KCNQ5: variants seen among roughly 807,000 people sequenced by gnomAD.
KCNQ5 encodes the protein potassium voltage-gated channel subfamily Q member 5, also known as potassium voltage-gated channel subfamily KQT member 5.
Under a neutral mutation model 98.2 loss-of-function variants are expected in KCNQ5, and 30 were observed. That is an observed-to-expected ratio of 0.31 (90% CI 0.23 to 0.41). The LOEUF (loss-of-function observed/expected upper bound fraction) is 0.41, where lower values mean the gene tolerates loss of function less well. KCNQ5 is among the 10% of genes least tolerant of loss of function. The pLI is 1.00. For synonymous variants in KCNQ5, 458 were observed against 449.4 expected, an observed-to-expected ratio of 1.02 and a Z score of -0.24; for missense variants, 835 against 1,182.5, an observed-to-expected ratio of 0.71 and a Z score of 4.31.
chr6:73,125,884 A>G (rs1290095475), intron 9 of KCNQ5, among the ~76,000 whole-genome samples: 1 of 152,150 alleles, frequency 6.6e-6, no homozygotes, highest in Non-Finnish European at 1.5e-5. Context: ...AGATATTTCC[A>G]GAAAAAAGTC....
chr6:72,957,666 C>A (rs1361949320), intron 1 of KCNQ5, among the ~76,000 whole-genome samples: 1 of 152,024 alleles, frequency 6.6e-6, no homozygotes, highest in African/African-American at 2.4e-5. Flanking sequence ...TTGTTTTCAT[C>A]GAAATGCTAA....
intron 1 of KCNQ5, among the ~76,000 whole-genome samples, chr6:72,948,709 AT>A (rs1766660249): frequency 6.6e-6 from 1 of 152,164 alleles, no homozygotes; most frequent in African/African-American, 2.4e-5. Context: ...AGATTAACAT[AT>A]GCCAAGAGTT....
intron 11 of KCNQ5, among the ~76,000 whole-genome samples, chr6:73,187,872 A>C (rs970140457): frequency 1.3e-5 from 2 of 152,194 alleles, no homozygotes; most frequent in Admixed American, 6.5e-5. Flanking sequence ...CTCTGAAAGG[A>C]AGAGAGAAAA....
chr6:73,067,008 T>C (rs910483271), intron 3 of KCNQ5, among the ~76,000 whole-genome samples: 2 of 152,194 alleles, frequency 1.3e-5, no homozygotes, highest in Non-Finnish European at 2.9e-5. Flanking sequence ...TGCTGTCCCA[T>C]TGGGACAACC....
At chr6:73,011,453 T>C (rs1031330369) in intron 2 of KCNQ5, among the ~76,000 whole-genome samples, 8 of 152,090 alleles carry the variant, frequency 5.3e-5, no homozygotes, top group African/African-American at 1.9e-4. Flanking sequence ...AGCTGGACCC[T>C]TACCTAAGAC....
At chr6:73,052,018 C>T (rs1222175257) in intron 3 of KCNQ5, among the ~76,000 whole-genome samples, 2 of 152,062 alleles carry the variant, frequency 1.3e-5, no homozygotes, top group East Asian at 1.9e-4. Context: ...AGATGAAAGA[C>T]GAAATGGCCA....
At chr6:73,075,066 T>A (rs955197753) in intron 3 of KCNQ5, among the ~76,000 whole-genome samples, 2 of 152,174 alleles carry the variant, frequency 1.3e-5, no homozygotes, top group African/African-American at 4.8e-5. Context: ...ATAACTCTTT[T>A]TATAAAGTTT....
intron 1 of KCNQ5, among the ~76,000 whole-genome samples, chr6:72,954,814 T>C (rs1766968942): frequency 6.6e-6 from 1 of 152,186 alleles, no homozygotes; most frequent in Non-Finnish European, 1.5e-5. Flanking sequence ...CTGTTTAAAA[T>C]GAGCACAAGA....
rs769408934 is a variant in KCNQ5 at position 73,194,976 on chromosome 6, C to T, written c.2361C>T (p.Ser787=). 1 of 1,614,164 alleles carries T rather than the reference C, an allele frequency of 6.2e-7. No homozygotes were observed. The highest frequency in any genetic ancestry group is 8.5e-7 in the Non-Finnish European group (1 of 1,180,038). ...ACGTCACCACCTGCCTTGTTGCCTCCAAGGAAAATGTTCAGGTTGCACAGT... is the reference window on the plus strand; with the variant it reads ...ACGTCACCACCTGCCTTGTTGCCTCTAAGGAAAATGTTCAGGTTGCACAGT... ...ISDVTTCLVA[S]KENVQVAQSN... Residue 787 remains serine, a synonymous_variant, in exon 14 of 14, where the codon TCC becomes TCT. Coordinates refer to ENST00000370398, the MANE Select transcript of KCNQ5 (RefSeq NM_019842.4).
intron 1 of KCNQ5, among the ~76,000 whole-genome samples, chr6:72,781,447 A>G (rs1773467320): frequency 6.6e-6 from 1 of 152,188 alleles, no homozygotes; most frequent in South Asian, 2.1e-4. Flanking sequence ...TTCTTGTTAT[A>G]TTTCCAGCTA....
intron 6 of KCNQ5, among the ~76,000 whole-genome samples, chr6:73,109,808 C>T (rs1465419750): frequency 6.6e-6 from 1 of 152,210 alleles, no homozygotes; most frequent in Non-Finnish European, 1.5e-5. Context: ...TTTCTAATTT[C>T]ATAGTACAGT....
intron 10 of KCNQ5, among the ~76,000 whole-genome samples, chr6:73,163,987 A>C (rs772072659): frequency 1.9e-4 from 29 of 152,172 alleles, no homozygotes; most frequent in Non-Finnish European, 3.2e-4. Context: ...TAGGTAAATA[A>C]TTATCTTACT....
chr6:72,995,144 G>A (rs1321596054), intron 1 of KCNQ5, among the ~76,000 whole-genome samples: 1 of 152,138 alleles, frequency 6.6e-6, no homozygotes, highest in East Asian at 1.9e-4. Context: ...CAAGGCGAGT[G>A]GATCACTTCA....
At chr6:72,985,505 G>C (rs2150304037) in intron 1 of KCNQ5, among the ~76,000 whole-genome samples, 1 of 152,254 alleles carries the variant, frequency 6.6e-6, no homozygotes, top group African/African-American at 2.4e-5. Flanking sequence ...TATTGTTACA[G>C]TAACACCAAG....
intron 1 of KCNQ5, among the ~76,000 whole-genome samples, chr6:72,645,345 C>T (rs1206240425): frequency 6.6e-6 from 1 of 150,470 alleles, no homozygotes; most frequent in Non-Finnish European, 1.5e-5. Context: ...ATGATGATGC[C>T]ACTGCACTCC....
chr6:72,807,029 C>T lies in KCNQ5; in HGVS notation c.398+184442C>T, dbSNP rs142134221. 3.1e-4 allele frequency among the ~76,000 whole-genome samples: 47 copies of T among 152,124 alleles called. No homozygotes were observed. In the East Asian group the frequency reaches 6.9e-3, roughly 22 times the overall value. On this transcript the variant is annotated intron_variant, in intron 1 of 13. Transcript: ENST00000370398. Reference sequence around the variant, plus strand: ...ACATTTGTCAATGAGAATTTTTAATCTCTGTGGTAAGGTGTTTTCTTCCAT... The same window carrying T: ...ACATTTGTCAATGAGAATTTTTAATTTCTGTGGTAAGGTGTTTTCTTCCAT...
intron 1 of KCNQ5, among the ~76,000 whole-genome samples, chr6:72,899,700 C>T (rs1035618132): frequency 3.3e-5 from 5 of 151,962 alleles, no homozygotes; most frequent in African/African-American, 1.2e-4. Flanking sequence ...TGTTTGATTA[C>T]ATGAATGAGT....
chr6:72,922,663 G>A (rs1186372204), intron 1 of KCNQ5, among the ~76,000 whole-genome samples: 1 of 151,882 alleles, frequency 6.6e-6, no homozygotes, highest in Non-Finnish European at 1.5e-5. Flanking sequence ...TGCGGTATTT[G>A]CTTTCTATGC....
At chr6:72,718,420 G>A (rs1769762131) in intron 1 of KCNQ5, among the ~76,000 whole-genome samples, 2 of 148,910 alleles carry the variant, frequency 1.3e-5, no homozygotes, top group African/African-American at 4.9e-5. Context: ...AGCTAAGCCA[G>A]GTCTTGAGAT....
Sources: gnomAD v4.1 joint callset for allele counts (sites outside exome capture counted in the v4.1 genomes callset) on GRCh38, gnomAD v4.1.1 for gene constraint, MANE v1.5 for transcripts, NCBI Gene and HGNC (gene_info 2026-07-23, HGNC 2026-07-21) for gene names.